Variants in PDE3B observed in about 807,000 individuals in gnomAD.
PDE3B encodes cGMP-inhibited 3',5'-cyclic phosphodiesterase 3B.
PDE3B carries 66 observed loss-of-function variants against 116.8 expected under a neutral mutation model. That is an observed-to-expected ratio of 0.56 (90% CI 0.46 to 0.69). PDE3B has a LOEUF of 0.69. PDE3B is among the 30% of genes least tolerant of loss of function. The pLI is 0.00. For synonymous variants in PDE3B, 595 were observed against 533.6 expected, an observed-to-expected ratio of 1.12 and a Z score of -1.59; for missense variants, 1,384 against 1,368.1, an observed-to-expected ratio of 1.01 and a Z score of -0.18.
chr11:14,861,749 T>G (rs1173858619), intron 14 of PDE3B, among the ~76,000 whole-genome samples: 10 of 152,126 alleles, frequency 6.6e-5, no homozygotes, highest in Admixed American at 6.5e-4. Context: ...AAAGTTTATT[T>G]AAAAGCTTTA....
At chr11:14,847,732 A>T (rs1442615690) in intron 12 of PDE3B, among the ~76,000 whole-genome samples, 2 of 152,258 alleles carry the variant, frequency 1.3e-5, no homozygotes, top group East Asian at 3.8e-4. Flanking sequence ...AAACTAGAAA[A>T]TCTAGAAGAA....
intron 1 of PDE3B, among the ~76,000 whole-genome samples, chr11:14,660,458 T>C (rs1333941218): frequency 6.6e-6 from 1 of 151,772 alleles, no homozygotes; most frequent in Admixed American, 6.6e-5. Flanking sequence ...CGTGCCACCA[T>C]TCCTGGCTAT....
At chr11:14,736,279 G>A (rs865822575) in intron 1 of PDE3B, among the ~76,000 whole-genome samples, 46 of 152,284 alleles carry the variant, frequency 3.0e-4, no homozygotes, top group African/African-American at 1.0e-3. Flanking sequence ...GCCTGAACGT[G>A]TAGAAGGAAA....
intron 1 of PDE3B, among the ~76,000 whole-genome samples, chr11:14,701,348 T>C (rs1855356029): frequency 6.6e-6 from 1 of 151,752 alleles, no homozygotes; most frequent in Non-Finnish European, 1.5e-5. Flanking sequence ...TCTTTACAAG[T>C]GATAATCAAA....
chr11:14,673,283 G>A (rs979873210), intron 1 of PDE3B, among the ~76,000 whole-genome samples: 3 of 151,808 alleles, frequency 2.0e-5, no homozygotes, highest in South Asian at 2.1e-4. Context: ...ATAAAAGTGC[G>A]TAGTGTCAAA....
intron 7 of PDE3B, among the ~76,000 whole-genome samples, chr11:14,825,426 A>G (rs1164855686): frequency 6.6e-6 from 1 of 152,218 alleles, no homozygotes; most frequent in Non-Finnish European, 1.5e-5. Context: ...CATAGGCTCA[A>G]AACAAAGGGA....
the PDE3B span, among the ~76,000 whole-genome samples, chr11:14,888,848 T>G: frequency 2.8e-4 from 43 of 152,212 alleles, no homozygotes; most frequent in African/African-American, 1.0e-3. Flanking sequence ...AATTATTTTA[T>G]TGTCCTGAAG....
intron 12 of PDE3B, among the ~76,000 whole-genome samples, chr11:14,856,718 G>A (rs782092556): frequency 2.0e-5 from 3 of 152,038 alleles, no homozygotes; most frequent in Non-Finnish European, 4.4e-5. Flanking sequence ...GCTGGGCGTG[G>A]TGGCGGGCAC....
chr11:14,892,577 T>C, the PDE3B span, among the ~76,000 whole-genome samples: 1 of 152,228 alleles, frequency 6.6e-6, no homozygotes, highest in Non-Finnish European at 1.5e-5. Flanking sequence ...AAGTGTCTTT[T>C]TAAGTACCAG....
At chr11:14,674,141 G>C in intron 1 of PDE3B, 1 of 1,425,606 alleles carries the variant, frequency 7.0e-7, no homozygotes, top group Non-Finnish European at 9.9e-7. Flanking sequence ...GGATCTACCC[G>C]GGTCCTTTTC....
chr11:14,779,454 A>G (rs962961276), intron 2 of PDE3B, among the ~76,000 whole-genome samples: 2 of 152,258 alleles, frequency 1.3e-5, no homozygotes, highest in African/African-American at 4.8e-5. Flanking sequence ...AGCCCATCAG[A>G]CTAACAGCGG....
At chr11:14,872,481 G>C (rs1460873173), downstream of PDE3B, among the ~76,000 whole-genome samples, 2 of 152,188 alleles carry the variant, frequency 1.3e-5, no homozygotes, top group African/African-American at 4.8e-5. Flanking sequence ...GTGGCTGGAA[G>C]ATAGAGCACA....
chr11:14,897,186 G>A, the PDE3B span, among the ~76,000 whole-genome samples: 3 of 152,266 alleles, frequency 2.0e-5, no homozygotes, highest in East Asian at 3.9e-4. Context: ...CAGAGGAAGT[G>A]TATATGTATT....
chr11:14,751,053 T>A (rs1857045336), intron 1 of PDE3B, among the ~76,000 whole-genome samples: 1 of 152,216 alleles, frequency 6.6e-6, no homozygotes, highest in Admixed American at 6.5e-5. Context: ...TGGCTGCTCA[T>A]CAGAATCATC....
chr11:14,832,406 C>T (rs1456354694), intron 9 of PDE3B, among the ~76,000 whole-genome samples: 1 of 151,682 alleles, frequency 6.6e-6, no homozygotes, highest in African/African-American at 2.4e-5. Context: ...TTTTTAATAC[C>T]CAGGACTAGA....
At chr11:14,733,357 C>G (rs888315989) in intron 1 of PDE3B, among the ~76,000 whole-genome samples, 1 of 152,114 alleles carries the variant, frequency 6.6e-6, no homozygotes, top group Non-Finnish European at 1.5e-5. Flanking sequence ...TCTCTGTCTC[C>G]TGTCTTTTCC....
rs375584624 is a variant in PDE3B at position 14,764,258 on chromosome 11, A to G, written c.979-7679A>G. ...AAGCAGCAGAGAAGAAATAACCTTG[A>G]TCTCTCTCTACTCCTCAACTCTATT... On this transcript the variant is annotated intron_variant, in intron 1 of 15. Coordinates refer to ENST00000282096, the MANE Select transcript of PDE3B (RefSeq NM_000922.4). Among the ~76,000 whole-genome samples the G allele has an allele frequency of 5.3e-5, 8 of 152,162 alleles. No individual in the cohort carries two copies. The South Asian group carries it at 1.7e-3, about 32-fold the overall frequency.
chr11:14,891,081 A>G, the PDE3B span: 2 of 985,286 alleles, frequency 2.0e-6, no homozygotes, highest in Admixed American at 6.1e-5. Context: ...AGTGTAATTC[A>G]AAACAAAACA....
At chr11:14,721,791 G>C (rs1856101528) in intron 1 of PDE3B, among the ~76,000 whole-genome samples, 1 of 62,558 alleles carries the variant, frequency 1.6e-5, no homozygotes, top group African/African-American at 6.7e-5. Context: ...GGGGGCAGGG[G>C]GGAGGGGTAG....
Sources: gnomAD v4.1 joint callset for allele counts (sites outside exome capture counted in the v4.1 genomes callset) on GRCh38, gnomAD v4.1.1 for gene constraint, MANE v1.5 for transcripts, NCBI Gene and HGNC (gene_info 2026-07-23, HGNC 2026-07-21) for gene names.